LRP1: variants seen among roughly 807,000 people sequenced by gnomAD.
LRP1 encodes the protein prolow-density lipoprotein receptor-related protein 1.
A neutral mutation model predicts 541.5 loss-of-function variants in LRP1; 51 were observed. That is an observed-to-expected ratio of 0.09 (90% CI 0.08 to 0.12). The LOEUF is 0.12. LRP1 is among the 10% of genes least tolerant of loss of function. The pLI, the probability that LRP1 is intolerant of heterozygous loss-of-function variation, is 1.00. For missense variants in LRP1, 3,878 were observed against 6,376.2 expected, an observed-to-expected ratio of 0.61 and a Z score of 13.34; for synonymous variants, 2,219 against 2,470.8, an observed-to-expected ratio of 0.90 and a Z score of 3.02.
chr12:57,171,275 T>C (rs1019119163), intron 20 of LRP1, among the ~76,000 whole-genome samples: 2 of 152,178 alleles, frequency 1.3e-5, no homozygotes, highest in African/African-American at 4.8e-5. Flanking sequence ...GTAGCAGTTG[T>C]TAACTATGGT....
chr12:57,193,291 G>A lies in LRP1; in HGVS notation c.7671G>A (p.Lys2557=). The change falls in exon 46 of 89, where the codon AAG becomes AAA. Residue 2557 remains lysine, a synonymous_variant. Transcript: ENST00000243077. ...VPHCKDKSDE[K]PSYCNSRRCK... is the part of the protein sequence containing the mutation. ...ACTGCAAGGACAAGTCCGATGAGAA[G>A]CCATCCTACTGCAGTAAGGAGCCCC... The A allele has an allele frequency of 1.2e-6, 2 of 1,612,558 alleles. No homozygotes were observed. The highest frequency in any genetic ancestry group is 1.7e-6 in the Non-Finnish European group (2 of 1,180,020).
chr12:57,169,625 T>G (rs944272545), intron 20 of LRP1, among the ~76,000 whole-genome samples: 24 of 152,354 alleles, frequency 1.6e-4, no homozygotes, highest in African/African-American at 5.8e-4. Context: ...GAGTTTCGTC[T>G]GCAAAGTGGG....
At position 57,184,632 on chromosome 12, in the gene LRP1, C is replaced by T. The variant is rs1217275825; in HGVS notation, c.6186+180C>T. ...ACAGAGATGATGGGCAGGGGTCGCTCAGAAGTGGGGAGTGGGGGAGTGGAG... is the reference window on the plus strand; with the variant it reads ...ACAGAGATGATGGGCAGGGGTCGCTTAGAAGTGGGGAGTGGGGGAGTGGAG... On this transcript the variant is annotated intron_variant, in intron 38 of 88. Transcript: ENST00000243077. The surrounding 1 kb of genome is among the most constrained non-coding windows in gnomAD (Gnocchi z 7.8). Among the ~76,000 whole-genome samples, 3 of 151,904 alleles carry T rather than the reference C, an allele frequency of 2.0e-5. No individual in the cohort carries two copies. The highest frequency in any genetic ancestry group is 2.9e-5 in the Non-Finnish European group (2 of 67,964).
Position 57,173,063 on chromosome 12 carries a change from G to C in LRP1, c.3164-105G>C, listed in dbSNP as rs570417353. ...TGGCAGACTCTCCAGGCCTGCCTCT[G>C]CTCATATCCCCAGGCTGGGCTTACC... On this transcript the variant is annotated intron_variant, in intron 20 of 88. Coordinates refer to ENST00000243077, the MANE Select transcript of LRP1 (RefSeq NM_002332.3). This position sits in a 1 kb window ranked among gnomAD's most constrained non-coding sequence, Gnocchi z 4.7. 2 of 910,776 alleles carry C rather than the reference G, an allele frequency of 2.2e-6. No homozygotes were observed. The highest frequency in any genetic ancestry group is 5.1e-5 in the East Asian group (2 of 39,252). 56.4% of individuals were successfully genotyped at this position (910,776 alleles called of 1,614,324 possible). A position where few individuals can be genotyped will look rare whatever the true frequency, so the allele number is the denominator to read the frequency against.
At position 57,141,534 on chromosome 12, in the gene LRP1, C is replaced by T. The variant is rs530118812; in HGVS notation, c.328+23C>T. On this transcript the variant is annotated intron_variant, in intron 3 of 88. Coordinates refer to ENST00000243077, the MANE Select transcript of LRP1 (RefSeq NM_002332.3). ...GAGGTAAGGACTTTTCCACTCTCTA[C>T]TCTCCCGTCTGGATGCAGCATATTA... is the stretch of plus-strand genomic sequence containing the variant. 3.7e-6 allele frequency: 6 copies of T among 1,614,056 alleles called. No homozygotes were observed. In the African/African-American group the frequency reaches 4.0e-5, roughly 11 times the overall value.
chr12:57,200,427 C>G lies in LRP1; in HGVS notation c.10015-15C>G. The G allele has an allele frequency of 6.4e-7, 1 of 1,566,028 alleles. No individual in the cohort carries two copies. On this transcript the variant is annotated splice_polypyrimidine_tract_variant and intron_variant, in intron 62 of 88. Coordinates refer to ENST00000243077, the MANE Select transcript of LRP1 (RefSeq NM_002332.3). ...AGACCCCCACCAACCCCTCTTGCCCCCACCTGCCCTCCAGTTTGTATGCAA... is the reference window on the plus strand; with the variant it reads ...AGACCCCCACCAACCCCTCTTGCCCGCACCTGCCCTCCAGTTTGTATGCAA...
rs2036493544 is a variant in LRP1, at chr12:57,194,809, C to T, written c.8191+110C>T. 4 of 1,379,862 alleles carry T rather than the reference C, an allele frequency of 2.9e-6. No homozygotes were observed. In the South Asian group the frequency reaches 4.1e-5, roughly 14 times the overall value. 85.5% of individuals were successfully genotyped at this position (1,379,862 alleles called of 1,614,324 possible). A position where few individuals can be genotyped will look rare whatever the true frequency, so the allele number is the denominator to read the frequency against. On this transcript the variant is annotated intron_variant, in intron 50 of 88. Transcript: ENST00000243077. ...AAAGGGCATCCAGAGCCTTCAACCC[C>T]CTGCCCCACACCCCAACTCTTGAGG...
intron 1 of LRP1, among the ~76,000 whole-genome samples, chr12:57,134,227 C>G (rs2035104149): frequency 6.6e-6 from 1 of 152,108 alleles, no homozygotes; most frequent in African/African-American, 2.4e-5. Context: ...TCCTGGTGTT[C>G]TTCCTCCAAA....
chr12:57,163,074 A>G (rs2035770636), intron 15 of LRP1, 91 bp downstream of exon 15: 1 of 1,479,118 alleles, frequency 6.8e-7, no homozygotes, highest in Admixed American at 2.2e-5. Context: ...GGTCCCAGTC[A>G]GAGATTAAGG....
At chr12:57,151,444 C>T (rs1301532124) in intron 6 of LRP1, among the ~76,000 whole-genome samples, 4 of 152,268 alleles carry the variant, frequency 2.6e-5, no homozygotes, top group African/African-American at 9.6e-5. Flanking sequence ...ACAACACAGC[C>T]TCCCTCTCTC....
chr12:57,129,907 C>T (rs1206427027), intron 1 of LRP1, among the ~76,000 whole-genome samples: 1 of 152,104 alleles, frequency 6.6e-6, no homozygotes, highest in Admixed American at 6.5e-5. Flanking sequence ...GCTGTGCCCC[C>T]ACACTCCTTT....
chr12:57,200,958 C>T (rs943632759), intron 64 of LRP1, 76 bp from the exon 65 acceptor site: 1 of 1,606,282 alleles, frequency 6.2e-7, no homozygotes, highest in Non-Finnish European at 8.5e-7. Flanking sequence ...TGTGTCCTCC[C>T]TGCTGAGGGA....
intron 42 of LRP1, among the ~76,000 whole-genome samples, chr12:57,190,484 G>C (rs1021357387): frequency 6.6e-6 from 1 of 152,246 alleles, no homozygotes; most frequent in African/African-American, 2.4e-5. Context: ...GGGTGGTGGA[G>C]CCAGGGCTGG....
At chr12:57,174,475 G>A (rs756918773) in intron 22 of LRP1, among the ~76,000 whole-genome samples, 4 of 152,196 alleles carry the variant, frequency 2.6e-5, no homozygotes, top group Non-Finnish European at 5.9e-5. Flanking sequence ...TACTTGCAGA[G>A]TGAGTGAGAA....
intron 34 of LRP1, among the ~76,000 whole-genome samples, chr12:57,182,874 G>T (rs2036193660): frequency 6.6e-6 from 1 of 152,214 alleles, no homozygotes. Flanking sequence ...TGGGATAACT[G>T]GGAATGAGAC....
chr12:57,212,556 G>A lies in LRP1; in HGVS notation c.*1G>A, dbSNP rs2036940832. ...CGAGATAGGGGACCCCTTGGCATAGGGCCCTGCCCCGTCGGACTGCCCCCA... is the reference window on the plus strand; with the variant it reads ...CGAGATAGGGGACCCCTTGGCATAGAGCCCTGCCCCGTCGGACTGCCCCCA... On this transcript the variant is annotated 3_prime_UTR_variant, in exon 89 of 89. Coordinates refer to ENST00000243077, the MANE Select transcript of LRP1 (RefSeq NM_002332.3). This position sits in a 1 kb window ranked among gnomAD's most constrained non-coding sequence, Gnocchi z 5.0. The A allele has an allele frequency of 6.3e-7, 1 of 1,590,388 alleles. No homozygotes were observed. Among genetic ancestry groups the A allele is most frequent in the Non-Finnish European group, 8.6e-7 (1 of 1,167,080 alleles).
chr12:57,168,382 C>G (rs2035880351), intron 19 of LRP1: 1 of 152,512 alleles, frequency 6.6e-6, no homozygotes, highest in Admixed American at 6.6e-5. Context: ...AGGGAGAAAG[C>G]AAATAGTGGT....
chr12:57,184,031 C>T lies in LRP1; in HGVS notation c.5930-54C>T, dbSNP rs1448200312. On this transcript the variant is annotated intron_variant, in intron 36 of 88. Coordinates refer to ENST00000243077, the MANE Select transcript of LRP1 (RefSeq NM_002332.3). The surrounding 1 kb of genome is among the most constrained non-coding windows in gnomAD (Gnocchi z 7.8). ...GGGGTGCCTGGGAGCTTGGAGACAC[C>T]AGGTCCACCTGTCCTCACCTAACCT... The T allele has an allele frequency of 1.2e-6, 2 of 1,601,568 alleles. No individual in the cohort carries two copies. Among genetic ancestry groups the T allele is most frequent in the Middle Eastern group, 1.7e-4 (1 of 6,000 alleles).
chr12:57,142,750 CA>C (rs1565714976), intron 3 of LRP1, among the ~76,000 whole-genome samples: 2 of 152,126 alleles, frequency 1.3e-5, no homozygotes, highest in Non-Finnish European at 2.9e-5. Flanking sequence ...TTTTCCAGAG[CA>C]AATGATATTT....
Sources: gnomAD v4.1 joint callset for allele counts (sites outside exome capture counted in the v4.1 genomes callset) on GRCh38, gnomAD v4.1.1 for gene constraint, Gnocchi (gnomAD v3.1) non-coding constraint, MANE v1.5 for transcripts, NCBI Gene and HGNC (gene_info 2026-07-23, HGNC 2026-07-21) for gene names.